Variants in FCGR2B observed in about 807,000 individuals in gnomAD.
FCGR2B encodes low affinity immunoglobulin gamma Fc region receptor II-b.
In FCGR2B, 18 loss-of-function variants were observed where a neutral mutation model predicts 24.8. The observed-to-expected ratio is 0.73, with a 90% confidence interval of 0.50 to 1.08. FCGR2B has a LOEUF of 1.08. Among genes scored for constraint, FCGR2B ranks in the 50% least tolerant of loss-of-function variants. The pLI, the probability that FCGR2B is intolerant of heterozygous loss-of-function variation, is 0.00. For missense variants in FCGR2B, 215 were observed against 297.6 expected, an observed-to-expected ratio of 0.72 and a Z score of 2.04; for synonymous variants, 79 against 109.8, an observed-to-expected ratio of 0.72 and a Z score of 1.75.
chr1:161,675,540 G>C, intron 6 of FCGR2B: 2 of 429,206 alleles, frequency 4.7e-6, no homozygotes. Flanking sequence ...AGATACAGAA[G>C]AGAGGGCTGT....
chr1:161,677,958 G>A lies in FCGR2B; in HGVS notation c.*405G>A. 1 of 233,530 alleles carries A rather than the reference G, an allele frequency of 4.3e-6. No homozygotes were observed. The highest frequency in any genetic ancestry group is 5.6e-5 in the Admixed American group (1 of 17,770). 14.5% of individuals were successfully genotyped at this position (233,530 alleles called of 1,614,324 possible). A position where few individuals can be genotyped will look rare whatever the true frequency, so the allele number is the denominator to read the frequency against. ...TAACCTCTACCAGCACATTAAAAGT[G>A]ATTGTTTCTGGGTGATAAAATTATT... On this transcript the variant is annotated 3_prime_UTR_variant, in exon 8 of 8. Coordinates refer to ENST00000358671, the MANE Select transcript of FCGR2B (RefSeq NM_001394477.1).
chr1:161,675,500 T>C (rs150128840), intron 6 of FCGR2B, 187 bp downstream of exon 6: 48 of 478,986 alleles, frequency 1.0e-4, no homozygotes, highest in African/African-American at 9.1e-4. Flanking sequence ...AGACGACCTC[T>C]CTGGAGATGA....
upstream of FCGR2B, among the ~76,000 whole-genome samples, chr1:161,660,897 T>G (rs1052168286): frequency 4.9e-5 from 1 of 20,350 alleles, no homozygotes; most frequent in African/African-American, 2.0e-4. Flanking sequence ...CTACTAAAAA[T>G]ACAAAAAAAA....
chr1:161,671,216 G>A (rs60737164), intron 2 of FCGR2B, among the ~76,000 whole-genome samples, 176 bp from the exon 3 acceptor site: 2,018 of 152,168 alleles, frequency 0.013, 18 homozygotes, highest in Non-Finnish European at 0.02. Flanking sequence ...CCCTGGGGCC[G>A]TTGTGGTGGG....
At position 161,671,395 on chromosome 1, in the gene FCGR2B, C is replaced by T; in HGVS notation, c.137C>T (p.Ala46Val). 1 of 1,614,158 alleles carries T rather than the reference C, an allele frequency of 6.2e-7. No homozygotes were observed. Among genetic ancestry groups the T allele is most frequent in the Non-Finnish European group, 8.5e-7 (1 of 1,180,032 alleles). ...FLAPVAGTPA[A>V]PPKAVLKLEP... ...ACCTCCTCTCTCTGCCCCTCAGCAGCTCCCCCAAAGGCTGTGCTGAAACTC... is the reference window on the plus strand; with the variant it reads ...ACCTCCTCTCTCTGCCCCTCAGCAGTTCCCCCAAAGGCTGTGCTGAAACTC... The change falls in exon 3 of 8, where the codon GCT becomes GTT. Residue 46 changes from alanine to valine, a missense_variant. This residue lies in a region of FCGR2B where 77 missense variants were observed against 68.8 expected (regional missense o/e 1.12). Coordinates refer to ENST00000358671, the MANE Select transcript of FCGR2B (RefSeq NM_001394477.1).
At chr1:161,677,244 G>A (rs559201083) in intron 6 of FCGR2B, 84 bp from the exon 7 acceptor site, 410 of 1,363,060 alleles carry the variant, frequency 3.0e-4, no homozygotes, top group Admixed American at 7.3e-4. Flanking sequence ...TAGTTTGGGC[G>A]TTGGTTTTGC....
At position 161,672,975 on chromosome 1, in the gene FCGR2B, A is replaced by T; in HGVS notation, c.392A>T (p.Glu131Val). 6.2e-7 allele frequency: 1 copy of T among 1,613,584 alleles called. No homozygotes were observed. The highest frequency in any genetic ancestry group is 1.7e-5 in the Admixed American group (1 of 59,962). ...CTCTGCGGTTTTTTGTGTCTTTCAG[A>T]GTGGCTGGTGCTCCAGACCCCTCAC... is the stretch of plus-strand genomic sequence containing the variant. ...SDPVHLTVLS[E>V]WLVLQTPHLE... The change falls in exon 4 of 8, where the codon GAG (glutamate) becomes GTG (valine). Residue 131 changes from glutamate (E) to valine (V), a missense_variant and splice_region_variant. Glu to Val is a moderately radical substitution (Grantham distance 121, BLOSUM62 -2). Coordinates refer to ENST00000358671, the MANE Select transcript of FCGR2B (RefSeq NM_001394477.1).
the FCGR2B span, among the ~76,000 whole-genome samples, chr1:161,652,592 C>T: frequency 1.5e-5 from 2 of 134,876 alleles, 1 homozygote; most frequent in Admixed American, 1.6e-4. Flanking sequence ...TTTGATAGTA[C>T]CAACATCTGA....
the FCGR2B span, among the ~76,000 whole-genome samples, chr1:161,651,936 A>C: frequency 1.1e-5 from 1 of 90,124 alleles, no homozygotes. Context: ...TCCATCTCAA[A>C]AACTGAAATA....
chr1:161,661,259 A>AAAGG (rs147865116), upstream of FCGR2B, among the ~76,000 whole-genome samples: 22 of 32,690 alleles, frequency 6.7e-4, 3 homozygotes, highest in South Asian at 2.2e-3. Context: ...AGAAAGAAAG[A>AAAGG]AAGGAAGGAA....
At chr1:161,669,605 AAAATAAAAT>A (rs2102655818) in intron 1 of FCGR2B, among the ~76,000 whole-genome samples, 1 of 142,556 alleles carries the variant, frequency 7.0e-6, no homozygotes, top group African/African-American at 2.5e-5. Context: ...AAAATAAAAT[AAAATAAAAT>A]AAAATAAAAT....
Position 161,672,827 on chromosome 1 carries a change from T to G in FCGR2B, c.392-148T>G, listed in dbSNP as rs892231722. 7 of 1,274,282 alleles carry G rather than the reference T, an allele frequency of 5.5e-6. No homozygotes were observed. In the South Asian group the frequency reaches 9.5e-5, roughly 17 times the overall value. 78.9% of individuals were successfully genotyped at this position (1,274,282 alleles called of 1,614,324 possible). ...AATTATTTGCCCAAGAGTTCATAAA[T>G]GACAGAGCCAGCATTAGAGTCCAGG... On this transcript the variant is annotated intron_variant, in intron 3 of 7. Transcript: ENST00000358671.
chr1:161,647,557 G>A, the FCGR2B span, among the ~76,000 whole-genome samples: 1 of 150,390 alleles, frequency 6.6e-6, no homozygotes, highest in South Asian at 2.1e-4. Flanking sequence ...CCACCGCCTC[G>A]GCCTCCTAAA....
At chr1:161,675,030 T>C in intron 5 of FCGR2B, 2 of 512,104 alleles carry the variant, frequency 3.9e-6, no homozygotes, top group Non-Finnish European at 7.0e-6. Context: ...GCGTGGACTT[T>C]CTGACACTCC....
At chr1:161,673,347 C>G in intron 4 of FCGR2B, 118 bp downstream of exon 4, 2 of 1,596,534 alleles carry the variant, frequency 1.3e-6, no homozygotes, top group Middle Eastern at 1.7e-4. Context: ...GGCACTGGAG[C>G]AAAGAGGAGT....
intron 3 of FCGR2B, 74 bp downstream of exon 3, chr1:161,671,723 G>C: frequency 6.2e-7 from 1 of 1,602,068 alleles, no homozygotes; most frequent in Non-Finnish European, 8.5e-7. Context: ...GCAGAGGTTT[G>C]CAGGAAAGGG....
At chr1:161,676,934 C>T (rs1327653787) in intron 6 of FCGR2B, 10 of 272,172 alleles carry the variant, frequency 3.7e-5, no homozygotes, top group South Asian at 3.5e-4. Flanking sequence ...TGGCCCTCAG[C>T]CTTCTCTCCC....
chr1:161,652,127 C>T, the FCGR2B span, among the ~76,000 whole-genome samples: 64 of 121,864 alleles, frequency 5.3e-4, no homozygotes, highest in South Asian at 1.5e-3. Context: ...CTTCTTGGAT[C>T]TGTGGTTTAA....
chr1:161,647,295 C>G, the FCGR2B span, among the ~76,000 whole-genome samples: 1 of 131,562 alleles, frequency 7.6e-6, no homozygotes, highest in African/African-American at 3.0e-5. Context: ...TTGCTCTGGA[C>G]TCTTTTTTTT....
Sources: gnomAD v4.1 joint callset for allele counts (sites outside exome capture counted in the v4.1 genomes callset) on GRCh38, gnomAD v4.1.1 for gene constraint, gnomAD v4.1.1 regional missense constraint, MANE v1.5 for transcripts, NCBI Gene and HGNC (gene_info 2026-07-23, HGNC 2026-07-21) for gene names.